DENND5A: variants seen among roughly 807,000 people sequenced by gnomAD.
DENND5A encodes DENN domain containing 5A, also known as DENN domain-containing protein 5A.
DENND5A carries 64 observed loss-of-function variants against 140.3 expected under a neutral mutation model. The ratio of observed to expected loss-of-function variants is 0.46; its 90% confidence interval spans 0.37 to 0.56. DENND5A has a LOEUF of 0.56. Ranked by LOEUF, DENND5A falls within the 20% of genes least tolerant of loss-of-function variation. The pLI, the probability that DENND5A is intolerant of heterozygous loss-of-function variation, is 0.00. For synonymous variants in DENND5A, 605 were observed against 607.7 expected, an observed-to-expected ratio of 1.00 and a Z score of 0.07; for missense variants, 1,292 against 1,593.8, an observed-to-expected ratio of 0.81 and a Z score of 3.22.
chr11:9,249,866 T>C (rs1275693212), intron 1 of DENND5A, among the ~76,000 whole-genome samples: 1 of 151,982 alleles, frequency 6.6e-6, no homozygotes, highest in Non-Finnish European at 1.5e-5. Context: ...TTAAATTTTT[T>C]TGTAGAGACA....
chr11:9,257,761 C>T (rs567057820), intron 1 of DENND5A, among the ~76,000 whole-genome samples: 30 of 149,542 alleles, frequency 2.0e-4, no homozygotes, highest in Non-Finnish European at 3.3e-4. Flanking sequence ...GGATTACAGG[C>T]GTGAGCCACC....
intron 11 of DENND5A, among the ~76,000 whole-genome samples, chr11:9,164,194 A>ATTTTTT (rs779522112): frequency 2.5e-5 from 2 of 79,066 alleles, no homozygotes; most frequent in African/African-American, 4.8e-5. Flanking sequence ...ACCACGCCTA[A>ATTTTTT]TTTTTTTTTT....
At chr11:9,202,402 T>G (rs1375463373) in intron 4 of DENND5A, among the ~76,000 whole-genome samples, 1 of 152,144 alleles carries the variant, frequency 6.6e-6, no homozygotes, top group Non-Finnish European at 1.5e-5. Context: ...ACATGAGAAT[T>G]TAGGAGTCAC....
At chr11:9,228,525 G>T (rs1850627367) in intron 1 of DENND5A, among the ~76,000 whole-genome samples, 1 of 152,146 alleles carries the variant, frequency 6.6e-6, no homozygotes, top group Non-Finnish European at 1.5e-5. Context: ...AACGCAGGTA[G>T]ATCACCTGAG....
chr11:9,165,991 ACCCT>A, intron 10 of DENND5A, 24 bp from the exon 11 acceptor site: 1 of 1,612,662 alleles, frequency 6.2e-7, no homozygotes, highest in Non-Finnish European at 8.5e-7. Context: ...AAAAATAAAG[ACCCT>A]TTGTGTCCAT....
At chr11:9,154,535 A>C (rs1462561295) in intron 12 of DENND5A, among the ~76,000 whole-genome samples, 1 of 151,984 alleles carries the variant, frequency 6.6e-6, no homozygotes, top group Non-Finnish European at 1.5e-5. Context: ...TGGGGAAAAA[A>C]AAAAACAAAC....
At chr11:9,149,879 G>T (rs2136122397) in intron 15 of DENND5A, among the ~76,000 whole-genome samples, 1 of 152,314 alleles carries the variant, frequency 6.6e-6, no homozygotes, top group East Asian at 1.9e-4. Context: ...AGGTTGAGAA[G>T]ACAGGGAGAA....
Position 9,165,844 on chromosome 11 carries a change from GGCATTCCTTCA to G in DENND5A, c.2264_2274del (p.Leu755ProfsTer3). ...AGATGTCCACAGCTTACCTTATTGC[GGCATTCCTTCA>G]GCAGGCCCTCTACAAACTTCCAATT... On this transcript the variant is annotated frameshift_variant, in exon 11 of 23. Transcript: ENST00000328194. LOFTEE classifies it high-confidence loss of function. 6.2e-7 allele frequency: 1 copy of G among 1,613,958 alleles called. No homozygotes were observed. Among genetic ancestry groups the G allele is most frequent in the Non-Finnish European group, 8.5e-7 (1 of 1,179,906 alleles).
chr11:9,170,393 G>T, intron 9 of DENND5A: 1 of 641,326 alleles, frequency 1.6e-6, no homozygotes, highest in Non-Finnish European at 1.9e-6. Flanking sequence ...GCAGCTTTTT[G>T]CAGGTCCTAG....
Position 9,181,055 on chromosome 11 carries a change from G to T in DENND5A, c.1167C>A (p.Asn389Lys). Residue 389 changes from asparagine to lysine, a missense_variant, in exon 6 of 23, where the codon AAC (asparagine) becomes AAA (lysine). Asn to Lys is a moderately conservative substitution (Grantham distance 94). Coordinates refer to ENST00000328194, the MANE Select transcript of DENND5A (RefSeq NM_015213.4). ...EANLCFVDID[N>K]HFIELPEDLP... ...AGTCCTCTGGCAACTCAATGAAGTG[G>T]TTGTCAATGTCCACAAAGCAGAGGT... 6.2e-7 allele frequency: 1 copy of T among 1,614,092 alleles called. No homozygotes were observed. The highest frequency in any genetic ancestry group is 1.1e-5 in the South Asian group (1 of 91,068).
chr11:9,180,922 T>C lies in DENND5A; in HGVS notation c.1300A>G (p.Lys434Glu), dbSNP rs1554919640. 1 of 1,614,094 alleles carries C rather than the reference T, an allele frequency of 6.2e-7. No individual in the cohort carries two copies. The highest frequency in any genetic ancestry group is 1.3e-5 in the African/African-American group (1 of 74,938). Reference sequence around the variant, plus strand: ...TCAGAGGCCCGCAGCCTCTTCAGCTTGGAGGCACTCTCACTGCAATGAAGA... The same window carrying C: ...TCAGAGGCCCGCAGCCTCTTCAGCTCGGAGGCACTCTCACTGCAATGAAGA... ...GNLHCSESAS[K>E]LKRLRASELV... Residue 434 changes from lysine to glutamate, a missense_variant, in exon 6 of 23, where the codon AAG (lysine) becomes GAG (glutamate). This residue lies in a region of DENND5A where 566 missense variants were observed against 650.4 expected (regional missense o/e 0.87). Coordinates refer to ENST00000328194, the MANE Select transcript of DENND5A (RefSeq NM_015213.4).
chr11:9,147,027 C>T lies in DENND5A; in HGVS notation c.2857+3G>A, dbSNP rs1847453241. On this transcript the variant is annotated splice_donor_region_variant and intron_variant, in intron 16 of 22. Transcript: ENST00000328194. ...GGCCAGCTGGGAGCACAGGGCTACT[C>T]ACGGATAGTTGTGAAGACATTGGTG... is the stretch of plus-strand genomic sequence containing the variant. 4.3e-6 allele frequency: 7 copies of T among 1,614,018 alleles called. No homozygotes were observed. The highest frequency in any genetic ancestry group is 1.7e-5 in the Admixed American group (1 of 60,010).
Position 9,152,408 on chromosome 11 carries a change from T to C in DENND5A, c.2471A>G (p.Tyr824Cys), listed in dbSNP as rs1313164149. The C allele has an allele frequency of 1.9e-6, 3 of 1,613,950 alleles. No homozygotes were observed. In the Admixed American group the frequency reaches 5.0e-5, roughly 27 times the overall value. The change falls in exon 13 of 23, where the codon TAT (tyrosine) becomes TGT (cysteine). Residue 824 changes from tyrosine (Y) to cysteine (C), a missense_variant. Coordinates refer to ENST00000328194, the MANE Select transcript of DENND5A (RefSeq NM_015213.4). Reference sequence around the variant, plus strand: ...GAGTTTTCTCTGCCGGTTGTCCTGATAATGTAACAGGTGGGACCATAAGGC... The same window carrying C: ...GAGTTTTCTCTGCCGGTTGTCCTGACAATGTAACAGGTGGGACCATAAGGC... ...KSALWSHLLH[Y>C]QDNRQRKLTS...
At chr11:9,249,985 C>T (rs989605205) in intron 1 of DENND5A, among the ~76,000 whole-genome samples, 2 of 151,488 alleles carry the variant, frequency 1.3e-5, no homozygotes, top group Non-Finnish European at 2.9e-5. Context: ...TCGCACCTGG[C>T]CCAATTATTC....
chr11:9,149,737 G>A (rs368725359), intron 15 of DENND5A, among the ~76,000 whole-genome samples: 3 of 152,262 alleles, frequency 2.0e-5, no homozygotes, highest in African/African-American at 7.2e-5. Flanking sequence ...CCAATCCTTT[G>A]CTCCCCAGAA....
chr11:9,211,724 G>T (rs990242105), intron 1 of DENND5A, among the ~76,000 whole-genome samples: 1 of 152,126 alleles, frequency 6.6e-6, no homozygotes, highest in African/African-American at 2.4e-5. Context: ...ACGAGGTCAG[G>T]AGTTCGAGAC....
intron 11 of DENND5A, among the ~76,000 whole-genome samples, chr11:9,161,289 A>G (rs1050169336): frequency 3.3e-5 from 5 of 152,220 alleles, no homozygotes; most frequent in Non-Finnish European, 7.3e-5. Flanking sequence ...CGTAGCTTGC[A>G]GCAAGCTGAG....
chr11:9,209,753 TAA>T (rs1564917106), intron 1 of DENND5A, among the ~76,000 whole-genome samples: 2 of 152,054 alleles, frequency 1.3e-5, no homozygotes, highest in Non-Finnish European at 1.5e-5. Flanking sequence ...TTCACAAACC[TAA>T]GATTTTTTTT....
At chr11:9,252,309 A>G (rs1193726718) in intron 1 of DENND5A, among the ~76,000 whole-genome samples, 1 of 150,354 alleles carries the variant, frequency 6.7e-6, no homozygotes, top group African/African-American at 2.4e-5. Flanking sequence ...AAAAAAAAAA[A>G]AAAAAGAACT....
Sources: allele counts gnomAD v4.1 joint callset (sites outside exome capture counted in the v4.1 genomes callset), GRCh38; gene constraint gnomAD v4.1.1; regional missense constraint gnomAD v4.1.1; transcripts MANE v1.5; gene names NCBI Gene and HGNC (gene_info 2026-07-23, HGNC 2026-07-21).